Variants in RCOR3 observed in about 807,000 individuals in gnomAD.
RCOR3 encodes REST corepressor 3.
In RCOR3, 13 loss-of-function variants were observed where a neutral mutation model predicts 64.1. The observed-to-expected ratio is 0.20, with a 90% confidence interval of 0.13 to 0.32. The LOEUF is 0.32. Ranked by LOEUF, RCOR3 falls within the 10% of genes least tolerant of loss-of-function variation. The pLI is 1.00. For synonymous variants in RCOR3, 215 were observed against 239.0 expected (o/e 0.90, Z 0.93); for missense variants, 489 against 701.2 (o/e 0.70, Z 3.42).
intron 2 of RCOR3, among the ~76,000 whole-genome samples, chr1:211,267,141 C>A (rs1695348702): frequency 6.6e-6 from 1 of 152,144 alleles, no homozygotes; most frequent in Admixed American, 6.5e-5. Context: ...TACATTAATT[C>A]ATTTAATTTT....
At chr1:211,305,270 T>G (rs1204101704) in intron 10 of RCOR3, among the ~76,000 whole-genome samples, 1 of 152,194 alleles carries the variant, frequency 6.6e-6, no homozygotes, top group African/African-American at 2.4e-5. Context: ...GAATTGATAC[T>G]ATGACACAGG....
Position 211,313,444 on chromosome 1 carries a change from T to G in RCOR3, c.1338T>G (p.Pro446=). The change falls in exon 12 of 12, where the codon CCT becomes CCG. Residue 446 remains proline, a synonymous_variant. Coordinates refer to ENST00000419091, the MANE Select transcript of RCOR3 (RefSeq NM_001136223.3). The surrounding 1 kb of genome is among the most constrained non-coding windows in gnomAD (Gnocchi z 4.7). ...TCTAGGCACAGACCCCACAGGCTCC[T>G]CGGACACTGGGTCCATCACCTCCTG... ...EEEEAQTPQA[P]RTLGPSPPAP... is the part of the protein sequence containing the mutation. 1 of 1,613,914 alleles carries G rather than the reference T, an allele frequency of 6.2e-7. No homozygotes were observed. The highest frequency in any genetic ancestry group is 8.5e-7 in the Non-Finnish European group (1 of 1,179,894).
At position 211,315,772 on chromosome 1, in the gene RCOR3, T is replaced by C. The variant is rs938619418; in HGVS notation, c.*2004T>C. 6.6e-6 allele frequency: 1 copy of C among 152,196 alleles called. No homozygotes were observed. Among genetic ancestry groups the C allele is most frequent in the Non-Finnish European group, 1.5e-5 (1 of 68,022 alleles). 9.4% of individuals were successfully genotyped at this position (152,196 alleles called of 1,614,324 possible). A position where few individuals can be genotyped will look rare whatever the true frequency, so the allele number is the denominator to read the frequency against. On this transcript the variant is annotated 3_prime_UTR_variant, in exon 12 of 12. Transcript: ENST00000419091. ...TAAAAAATCTCTTCTATCCCAGACA[T>C]GGGCCAAGGTGCTGTATCTGAGGGA... is the stretch of plus-strand genomic sequence containing the variant.
Position 211,315,870 on chromosome 1 carries a change from A to G in RCOR3, c.*2102A>G, listed in dbSNP as rs1701839090. On this transcript the variant is annotated 3_prime_UTR_variant, in exon 12 of 12. Coordinates refer to ENST00000419091, the MANE Select transcript of RCOR3 (RefSeq NM_001136223.3). ...TTTAGCTTCATTAGTAATATGACAC[A>G]TGTATATAGTGAGATGTCTTTATTG... The G allele has an allele frequency of 6.6e-6, 1 of 152,210 alleles. No homozygotes were observed. The highest frequency in any genetic ancestry group is 2.1e-4 in the South Asian group (1 of 4,830). 9.4% of individuals were successfully genotyped at this position (152,210 alleles called of 1,614,324 possible).
chr1:211,300,027 T>A (rs1700211845), intron 9 of RCOR3, among the ~76,000 whole-genome samples: 1 of 151,766 alleles, frequency 6.6e-6, no homozygotes. Flanking sequence ...TTTAATCCTA[T>A]ACAGTTTCAA....
At chr1:211,303,924 T>C (rs1700620591) in intron 9 of RCOR3, 159 bp from the exon 10 acceptor site, 1 of 463,378 alleles carries the variant, frequency 2.2e-6, no homozygotes, top group Non-Finnish European at 3.9e-6. Flanking sequence ...AAAAGGTAAC[T>C]CAGAATATAT....
In RCOR3 at chr1:211,313,070, G is replaced by T; in HGVS notation, c.1317+109G>T. On this transcript the variant is annotated intron_variant, in intron 11 of 11. Transcript: ENST00000419091. This position sits in a 1 kb window ranked among gnomAD's most constrained non-coding sequence, Gnocchi z 4.7. ...AGGACTAGCTAAATTGAGCATGAAA[G>T]GTTGACAATACACTTCTTCAGTGGT... is the stretch of plus-strand genomic sequence containing the variant. 6.4e-7 allele frequency: 1 copy of T among 1,571,732 alleles called. No individual in the cohort carries two copies. The highest frequency in any genetic ancestry group is 1.8e-5 in the Admixed American group (1 of 55,508).
chr1:211,275,759 A>T (rs1314484407), intron 4 of RCOR3, among the ~76,000 whole-genome samples: 1 of 152,188 alleles, frequency 6.6e-6, no homozygotes, highest in African/African-American at 2.4e-5. Context: ...GTTGCAGTGG[A>T]GGTACTTTTA....
rs1168040002 is a variant in RCOR3, at chr1:211,259,700, G to A, written c.140G>A (p.Ser47Asn). Reference sequence around the variant, plus strand: ...GGGCTGCACTACTCAGAGCCCGAGAGCGGCTGCAGCAGCGACGACGAGCAC... The same window carrying A: ...GGGCTGCACTACTCAGAGCCCGAGAACGGCTGCAGCAGCGACGACGAGCAC... ...NGGLHYSEPE[S>N]GCSSDDEHDV... Residue 47 changes from serine (S) to asparagine (N), a missense_variant, in exon 1 of 12, where the codon AGC becomes AAC. Ser to Asn is a conservative substitution (Grantham distance 46). This residue lies in a region of RCOR3 where 87 missense variants were observed against 84.3 expected (regional missense o/e 1.03). Transcript: ENST00000419091. 6.5e-7 allele frequency: 1 copy of A among 1,528,682 alleles called. No individual in the cohort carries two copies. Among genetic ancestry groups the A allele is most frequent in the Non-Finnish European group, 8.8e-7 (1 of 1,136,968 alleles). The allele number at this position is 1,528,682 out of a possible 1,614,324, so 94.7% of individuals were successfully genotyped here.
intron 8 of RCOR3, among the ~76,000 whole-genome samples, chr1:211,294,648 G>A (rs1439570385): frequency 1.4e-5 from 2 of 146,028 alleles, no homozygotes; most frequent in South Asian, 4.3e-4. Context: ...GGAGTGCAGC[G>A]GCGCGATCTC....
chr1:211,271,470 A>C, intron 3 of RCOR3, 161 bp downstream of exon 3: 1 of 671,788 alleles, frequency 1.5e-6, no homozygotes, highest in South Asian at 1.7e-5. Context: ...GGAGGTTGTT[A>C]TATTAGAATG....
intron 10 of RCOR3, among the ~76,000 whole-genome samples, chr1:211,307,227 G>A (rs1465586494): frequency 6.6e-6 from 1 of 152,246 alleles, no homozygotes; most frequent in Non-Finnish European, 1.5e-5. Context: ...GGTGGCTCAC[G>A]CCTGTAATCC....
intron 5 of RCOR3, among the ~76,000 whole-genome samples, chr1:211,277,716 A>T (rs546192365): frequency 7.2e-4 from 110 of 152,350 alleles, no homozygotes; most frequent in African/African-American, 2.6e-3. Flanking sequence ...TTTTGAGATT[A>T]TGAAAATGTT....
chr1:211,269,554 GCCATTGCACT>G (rs1695799211), intron 2 of RCOR3, among the ~76,000 whole-genome samples: 1 of 151,868 alleles, frequency 6.6e-6, no homozygotes, highest in African/African-American at 2.4e-5. Flanking sequence ...CTGAGGTCAC[GCCATTGCACT>G]CCAGCCTGGG....
chr1:211,292,194 C>A (rs185776006), intron 8 of RCOR3, among the ~76,000 whole-genome samples: 2 of 152,292 alleles, frequency 1.3e-5, no homozygotes, highest in Admixed American at 1.3e-4. Context: ...TTTGGAATTT[C>A]TTTCACTTGA....
chr1:211,313,797 T>G lies in RCOR3; in HGVS notation c.*29T>G, dbSNP rs200648535. 90 of 1,562,232 alleles carry G rather than the reference T, an allele frequency of 5.8e-5. No homozygotes were observed. The highest frequency in any genetic ancestry group is 4.4e-6 in the Non-Finnish European group (5 of 1,135,594). ...TTAAATTGGACACAGCTGCAGTAACTTTTCACCCCATCATTATACCAGTGC... is the reference window on the plus strand; with the variant it reads ...TTAAATTGGACACAGCTGCAGTAACGTTTCACCCCATCATTATACCAGTGC... On this transcript the variant is annotated 3_prime_UTR_variant, in exon 12 of 12. Transcript: ENST00000419091. The surrounding 1 kb of genome is among the most constrained non-coding windows in gnomAD (Gnocchi z 4.7).
At chr1:211,289,482 T>C in intron 8 of RCOR3, 86 bp downstream of exon 8, 2 of 1,117,860 alleles carry the variant, frequency 1.8e-6, no homozygotes, top group Middle Eastern at 2.5e-4. Flanking sequence ...CTCAGTTGTT[T>C]GCAGATTTTT....
intron 8 of RCOR3, among the ~76,000 whole-genome samples, chr1:211,294,165 C>T (rs1699579537): frequency 6.6e-6 from 1 of 152,126 alleles, no homozygotes; most frequent in Non-Finnish European, 1.5e-5. Context: ...TGATTTTTGT[C>T]AGCAAAACAA....
At chr1:211,285,872 G>T (rs1303063155) in intron 7 of RCOR3, among the ~76,000 whole-genome samples, 1 of 152,162 alleles carries the variant, frequency 6.6e-6, no homozygotes, top group Non-Finnish European at 1.5e-5. Context: ...GTTATTAGGT[G>T]CATACAAATT....
Sources: gnomAD v4.1 joint callset for allele counts (sites outside exome capture counted in the v4.1 genomes callset) on GRCh38, gnomAD v4.1.1 for gene constraint, gnomAD v4.1.1 regional missense constraint, Gnocchi (gnomAD v3.1) non-coding constraint, MANE v1.5 for transcripts, NCBI Gene and HGNC (gene_info 2026-07-23, HGNC 2026-07-21) for gene names.